Variants in TENM3 observed in about 807,000 individuals in gnomAD.
The protein encoded by TENM3 is teneurin transmembrane protein 3, also known as teneurin-3.
TENM3 carries 63 observed loss-of-function variants against 255.1 expected under a neutral mutation model. The ratio of observed to expected loss-of-function variants is 0.25; its 90% CI spans 0.20 to 0.30. TENM3 has a LOEUF of 0.30. TENM3 is among the 10% of genes least tolerant of loss of function. The pLI, the probability that TENM3 is intolerant of heterozygous loss-of-function variation, is 1.00. For synonymous variants in TENM3, 1,306 were observed against 1,322.3 expected (o/e 0.99, Z 0.27); for missense variants, 2,929 against 3,461.1 (o/e 0.85, Z 3.86).
the TENM3 span, among the ~76,000 whole-genome samples, chr4:182,111,236 A>G: frequency 7.4e-6 from 1 of 135,228 alleles, no homozygotes; most frequent in Non-Finnish European, 1.5e-5. Flanking sequence ...TTCAGAGCCA[A>G]TTCAGTCTGA....
At chr4:181,675,640 G>C in the TENM3 span, among the ~76,000 whole-genome samples, 1 of 152,084 alleles carries the variant, frequency 6.6e-6, no homozygotes, top group Admixed American at 6.6e-5. Flanking sequence ...GTCCTCGAAA[G>C]GTCATCAGGA....
At chr4:181,654,697 T>C in the TENM3 span, among the ~76,000 whole-genome samples, 2 of 141,074 alleles carry the variant, frequency 1.4e-5, no homozygotes, top group African/African-American at 5.3e-5. Context: ...GAGGTTGCAG[T>C]GAGCCGAGAT....
chr4:181,939,117 G>T, the TENM3 span, among the ~76,000 whole-genome samples: 4 of 152,108 alleles, frequency 2.6e-5, no homozygotes, highest in Non-Finnish European at 5.9e-5. Context: ...CAGTAATCTT[G>T]TGCACTTTTT....
rs562868393 is a variant in TENM3, at chr4:182,779,805, T to G, written c.5304+4652T>G. On this transcript the variant is annotated intron_variant, in intron 24 of 27. Coordinates refer to ENST00000511685, the MANE Select transcript of TENM3 (RefSeq NM_001080477.4). ...GGTTTTGATGTGCATTTCTCTGATG[T>G]CCAGTGATGATGAGCATTTTTTCAT... 1.5e-4 allele frequency among the ~76,000 whole-genome samples: 23 copies of G among 152,310 alleles called. 1 individual carries two copies. The highest frequency in any genetic ancestry group is 2.6e-4 in the Non-Finnish European group (18 of 68,028).
the TENM3 span, among the ~76,000 whole-genome samples, chr4:181,903,264 T>C: frequency 6.6e-6 from 1 of 152,178 alleles, no homozygotes; most frequent in East Asian, 1.9e-4. Flanking sequence ...ATATTTGCTA[T>C]GATTGTTCAA....
the TENM3 span, among the ~76,000 whole-genome samples, chr4:181,467,376 C>T: frequency 1.3e-5 from 2 of 151,064 alleles, no homozygotes; most frequent in East Asian, 3.9e-4. Context: ...CTCAGGTGGT[C>T]CGCCTGCCTT....
At chr4:182,332,053 CTATAGGA>C (rs1382988827) in intron 2 of TENM3, among the ~76,000 whole-genome samples, 2 of 151,876 alleles carry the variant, frequency 1.3e-5, no homozygotes, top group Non-Finnish European at 1.5e-5. Context: ...TTTTATATTT[CTATAGGA>C]TAGTTGCAGA....
At chr4:182,664,677 C>T (rs925765853) in intron 6 of TENM3, among the ~76,000 whole-genome samples, 2 of 152,112 alleles carry the variant, frequency 1.3e-5, no homozygotes, top group South Asian at 2.1e-4. Flanking sequence ...ATTGAAAGCA[C>T]GATTCCAGTG....
the TENM3 span, among the ~76,000 whole-genome samples, chr4:181,468,288 A>AAAATTG: frequency 6.6e-6 from 1 of 152,224 alleles, no homozygotes; most frequent in Non-Finnish European, 1.5e-5. Flanking sequence ...AATTAAAATT[A>AAAATTG]AAATTAAAAA....
chr4:181,720,476 G>C, the TENM3 span, among the ~76,000 whole-genome samples: 2 of 152,166 alleles, frequency 1.3e-5, no homozygotes, highest in Non-Finnish European at 2.9e-5. Flanking sequence ...CTCACCCACT[G>C]ATTGAAAGTA....
In TENM3 at chr4:182,747,967, G is replaced by A. The variant is rs141272075; in HGVS notation, c.3630-3833G>A. On this transcript the variant is annotated intron_variant, in intron 19 of 27. Coordinates refer to ENST00000511685, the MANE Select transcript of TENM3 (RefSeq NM_001080477.4). ...CTTGTGTTCTAAAGGCTGTGACACA[G>A]TTTCCAACTCAGAAGATAGAAGTGC... Among the ~76,000 whole-genome samples, 531 of 152,290 alleles carry A rather than the reference G, an allele frequency of 3.5e-3. 3 individuals carry two copies. The highest frequency in any genetic ancestry group is 5.4e-3 in the Non-Finnish European group (368 of 68,024).
At position 182,594,562 on chromosome 4, in the gene TENM3, CG is replaced by C. The variant is rs1315421022; in HGVS notation, c.512-6361del. Among the ~76,000 whole-genome samples the C allele has an allele frequency of 5.9e-5, 9 of 152,190 alleles. No individual in the cohort carries two copies. In the East Asian group the frequency reaches 1.7e-3, roughly 29 times the overall value. On this transcript the variant is annotated intron_variant, in intron 3 of 27. Coordinates refer to ENST00000511685, the MANE Select transcript of TENM3 (RefSeq NM_001080477.4). ...AAAGTGAACACATTTCCTCTCCAGG[CG>C]TATTTGCTTGTGTGTTCTCACTTCT...
chr4:181,958,764 T>C, the TENM3 span, among the ~76,000 whole-genome samples: 8 of 152,138 alleles, frequency 5.3e-5, no homozygotes, highest in African/African-American at 1.9e-4. Flanking sequence ...GATTATACAT[T>C]GTAGAAGCCA....
chr4:181,491,762 T>G, the TENM3 span, among the ~76,000 whole-genome samples: 1 of 152,150 alleles, frequency 6.6e-6, no homozygotes, highest in African/African-American at 2.4e-5. Context: ...TGTATGATTT[T>G]GCTTTTAAAC....
chr4:182,138,322 G>A, the TENM3 span, among the ~76,000 whole-genome samples: 1 of 152,180 alleles, frequency 6.6e-6, no homozygotes, highest in Non-Finnish European at 1.5e-5. Context: ...TATCCAAAGT[G>A]ATGATGAATT....
the TENM3 span, among the ~76,000 whole-genome samples, chr4:181,974,297 G>A: frequency 1.3e-5 from 2 of 152,230 alleles, no homozygotes; most frequent in Non-Finnish European, 2.9e-5. Context: ...GCCAGGTGCA[G>A]TGGCTGACAC....
the TENM3 span, among the ~76,000 whole-genome samples, chr4:181,719,224 A>AAATAAATAAATAAATAAATG: frequency 6.6e-6 from 1 of 151,194 alleles, no homozygotes; most frequent in Non-Finnish European, 1.5e-5. Context: ...AAAAATAAAT[A>AAATAAATAAATAAATAAATG]AATAAATAAA....
At chr4:182,397,514 A>ATGCC (rs1561405033) in intron 3 of TENM3, among the ~76,000 whole-genome samples, 2 of 151,740 alleles carry the variant, frequency 1.3e-5, no homozygotes, top group East Asian at 1.9e-4. Flanking sequence ...CACTCACTGT[A>ATGCC]TGCCAGAGGC....
the TENM3 span, among the ~76,000 whole-genome samples, chr4:181,726,246 A>G: frequency 1.3e-4 from 20 of 152,214 alleles, no homozygotes; most frequent in Admixed American, 9.2e-4. Flanking sequence ...ACTATATGCT[A>G]AATGAGGTCC....
Sources: gnomAD v4.1 joint callset for allele counts (sites outside exome capture counted in the v4.1 genomes callset) on GRCh38, gnomAD v4.1.1 for gene constraint, MANE v1.5 for transcripts, NCBI Gene and HGNC (gene_info 2026-07-23, HGNC 2026-07-21) for gene names.